The following ADCY2 variants were observed in gnomAD, a reference collection of about 807,000 sequenced individuals.
The protein encoded by ADCY2 is adenylate cyclase 2.
ADCY2 carries 31 observed loss-of-function variants against 125.2 expected under a neutral mutation model. The ratio of observed to expected loss-of-function variants is 0.25; its 90% CI spans 0.19 to 0.33. The LOEUF is 0.33. Among genes scored for constraint, ADCY2 ranks in the 10% least tolerant of loss-of-function variants. The pLI is 1.00. For synonymous variants in ADCY2, 512 were observed against 548.4 expected (o/e 0.93, Z 0.93); for missense variants, 904 against 1,418.2 (o/e 0.64, Z 5.82).
chr5:7,649,524 C>T (rs1041019941), intron 4 of ADCY2, among the ~76,000 whole-genome samples: 3 of 152,304 alleles, frequency 2.0e-5, no homozygotes, highest in East Asian at 3.9e-4. Context: ...ATAAAAGCTG[C>T]AGACCACAGC....
chr5:7,812,615 G>T (rs533672808), intron 22 of ADCY2, among the ~76,000 whole-genome samples: 1 of 152,282 alleles, frequency 6.6e-6, no homozygotes, highest in African/African-American at 2.4e-5. Context: ...AACCCAATGA[G>T]GTAGGGAGTT....
intron 3 of ADCY2, among the ~76,000 whole-genome samples, chr5:7,620,178 A>C (rs889630422): frequency 6.6e-6 from 1 of 152,220 alleles, no homozygotes; most frequent in African/African-American, 2.4e-5. Flanking sequence ...GAAAAATAAC[A>C]TGATGCCTGC....
chr5:7,455,032 G>A (rs758660424), intron 2 of ADCY2, among the ~76,000 whole-genome samples: 19 of 152,130 alleles, frequency 1.2e-4, no homozygotes, highest in Non-Finnish European at 2.2e-4. Context: ...TACGGCTATA[G>A]AGTAGACATC....
intron 22 of ADCY2, among the ~76,000 whole-genome samples, chr5:7,806,787 G>A (rs1561022779): frequency 6.6e-6 from 1 of 152,164 alleles, no homozygotes; most frequent in Non-Finnish European, 1.5e-5. Flanking sequence ...AAATTTTAGG[G>A]AGGACACAAT....
chr5:7,820,801 C>T (rs1745273288), intron 24 of ADCY2, 112 bp downstream of exon 24: 1 of 1,295,164 alleles, frequency 7.7e-7, no homozygotes, highest in Non-Finnish European at 1.0e-6. Context: ...AAAAAGTAAA[C>T]CTTGAAATTT....
At chr5:7,640,937 T>G (rs1326546069) in intron 4 of ADCY2, among the ~76,000 whole-genome samples, 1 of 152,216 alleles carries the variant, frequency 6.6e-6, no homozygotes, top group African/African-American at 2.4e-5. Flanking sequence ...GAAAATTTGC[T>G]TTTCTGATGC....
intron 2 of ADCY2, among the ~76,000 whole-genome samples, chr5:7,507,077 G>A (rs1431941048): frequency 6.6e-6 from 1 of 151,358 alleles, no homozygotes; most frequent in Admixed American, 6.6e-5. Context: ...TACAGAGGTG[G>A]GGATTTCTTC....
chr5:7,416,041 T>C (rs1297153504), intron 2 of ADCY2, among the ~76,000 whole-genome samples: 1 of 152,102 alleles, frequency 6.6e-6, no homozygotes, highest in Non-Finnish European at 1.5e-5. Flanking sequence ...GGTACACTGC[T>C]GTAGGGAGGG....
rs192223141 is a variant in ADCY2 at position 7,525,781 on chromosome 5, T to G, written c.570+4882T>G. On this transcript the variant is annotated intron_variant, in intron 3 of 24. Transcript: ENST00000338316. ...GCCCTTTCAATTGCAGCTCCCTTGA[T>G]CAACCGTAAAAAATACCTAGCTTCC... Among the ~76,000 whole-genome samples the G allele has an allele frequency of 9.1e-4, 138 of 152,308 alleles. 1 individual carries two copies. The highest frequency in any genetic ancestry group is 1.7e-3 in the Non-Finnish European group (118 of 68,038).
chr5:7,506,789 C>CTTTTTTTTTTTTTTTT (rs70940743), intron 2 of ADCY2, among the ~76,000 whole-genome samples: 1 of 55,020 alleles, frequency 1.8e-5, no homozygotes, highest in Non-Finnish European at 3.3e-5. Context: ...ATGCGTTGCT[C>CTTTTTTTTTTTTTTTT]TTTTTTTTTT....
intron 3 of ADCY2, among the ~76,000 whole-genome samples, chr5:7,568,444 A>C (rs1304310414): frequency 6.6e-6 from 1 of 151,660 alleles, no homozygotes; most frequent in Admixed American, 6.6e-5. Flanking sequence ...TTTTTTTTTA[A>C]AGTTATTTCT....
intron 14 of ADCY2, among the ~76,000 whole-genome samples, chr5:7,728,771 A>G (rs1227957832): frequency 1.3e-5 from 2 of 152,152 alleles, no homozygotes; most frequent in African/African-American, 4.8e-5. Flanking sequence ...GAGCATTTCT[A>G]TATTCTCTAC....
chr5:7,486,278 AC>A (rs1365671382), intron 2 of ADCY2, among the ~76,000 whole-genome samples: 1 of 152,252 alleles, frequency 6.6e-6, no homozygotes, highest in Non-Finnish European at 1.5e-5. Context: ...GAATGGGCAC[AC>A]AAATGTACAT....
intron 3 of ADCY2, among the ~76,000 whole-genome samples, chr5:7,601,091 T>G (rs1327679292): frequency 6.6e-6 from 1 of 152,066 alleles, no homozygotes; most frequent in African/African-American, 2.4e-5. Flanking sequence ...AAGCCTTCAG[T>G]GGATGATGTT....
intron 2 of ADCY2, among the ~76,000 whole-genome samples, chr5:7,492,167 C>A (rs1743186579): frequency 1.3e-5 from 2 of 152,160 alleles, no homozygotes; most frequent in Admixed American, 1.3e-4. Flanking sequence ...TAGAAAGGGA[C>A]CATCACAAGG....
rs566875847 is a variant in ADCY2, at chr5:7,612,634, G to A, written c.571-13533G>A. On this transcript the variant is annotated intron_variant, in intron 3 of 24. Transcript: ENST00000338316. ...CAGGAGTCGTTGGCTGCTCCGGGAG[G>A]GGGTAGGGAAGATGGGAGTGAAGGG... 2.6e-5 allele frequency among the ~76,000 whole-genome samples: 4 copies of A among 152,320 alleles called. No homozygotes were observed. The South Asian group carries it at 8.3e-4, about 32-fold the overall frequency.
At chr5:7,744,649 T>C (rs1000793353) in intron 15 of ADCY2, among the ~76,000 whole-genome samples, 3 of 152,234 alleles carry the variant, frequency 2.0e-5, no homozygotes, top group African/African-American at 7.2e-5. Context: ...TAAGCCACTG[T>C]TTCGTTTTGT....
chr5:7,507,511 C>T (rs72709169), intron 2 of ADCY2, among the ~76,000 whole-genome samples: 24,422 of 147,666 alleles, frequency 0.17, 2,199 homozygotes, highest in African/African-American at 0.19. Context: ...TTATTTACTA[C>T]CTTCTGAAAT....
intron 2 of ADCY2, among the ~76,000 whole-genome samples, chr5:7,425,717 C>T (rs186276950): frequency 2.0e-4 from 30 of 152,340 alleles, no homozygotes; most frequent in Admixed American, 1.4e-3. Flanking sequence ...CCTGCAAATC[C>T]AATAAAGGCA....
Sources: allele counts gnomAD v4.1 joint callset (sites outside exome capture counted in the v4.1 genomes callset), GRCh38; gene constraint gnomAD v4.1.1; transcripts MANE v1.5; gene names NCBI Gene and HGNC (gene_info 2026-07-23, HGNC 2026-07-21).